ANAPC10: variants seen among roughly 807,000 people sequenced by gnomAD.
ANAPC10 encodes the protein anaphase-promoting complex subunit 10.
Under a neutral mutation model 22.0 loss-of-function variants are expected in ANAPC10, and 12 were observed. That is an observed-to-expected ratio of 0.55 (90% confidence interval 0.35 to 0.88). ANAPC10 has a LOEUF of 0.88. ANAPC10 is among the 40% of genes least tolerant of loss of function. The pLI is 0.01. For synonymous variants in ANAPC10, 65 were observed against 69.5 expected, an observed-to-expected ratio of 0.94 and a Z score of 0.32; for missense variants, 188 against 220.9, an observed-to-expected ratio of 0.85 and a Z score of 0.94.
chr4:145,050,346 G>A (rs1740918139), intron 4 of ANAPC10, among the ~76,000 whole-genome samples: 1 of 152,196 alleles, frequency 6.6e-6, no homozygotes, highest in Admixed American at 6.5e-5. Context: ...CTAAACAGAT[G>A]TGCTGTCATC....
intron 3 of ANAPC10, among the ~76,000 whole-genome samples, chr4:145,068,296 T>C (rs186230107): frequency 5.4e-4 from 82 of 152,328 alleles, no homozygotes; most frequent in Middle Eastern, 3.4e-3. Flanking sequence ...GTTAAGCAAG[T>C]GGTCCTTGTT....
intron 4 of ANAPC10, among the ~76,000 whole-genome samples, chr4:145,049,719 A>G (rs901773529): frequency 6.6e-6 from 1 of 152,134 alleles, no homozygotes; most frequent in Non-Finnish European, 1.5e-5. Context: ...AGATGGGACT[A>G]CAGATGTGCA....
At chr4:145,085,620 G>T (rs1156712559) in intron 2 of ANAPC10, among the ~76,000 whole-genome samples, 1 of 151,896 alleles carries the variant, frequency 6.6e-6, no homozygotes, top group Non-Finnish European at 1.5e-5. Context: ...ATTCAAAACT[G>T]ATCATTTAAA....
At chr4:145,041,600 T>C (rs1391130003) in intron 4 of ANAPC10, among the ~76,000 whole-genome samples, 1 of 152,190 alleles carries the variant, frequency 6.6e-6, no homozygotes, top group Non-Finnish European at 1.5e-5. Context: ...CACTTCCCCT[T>C]CTAGAAGGCA....
At chr4:145,057,248 A>G (rs992727105) in intron 4 of ANAPC10, among the ~76,000 whole-genome samples, 1 of 152,218 alleles carries the variant, frequency 6.6e-6, no homozygotes, top group African/African-American at 2.4e-5. Flanking sequence ...TACTCCAAAG[A>G]GTGCTTAAAC....
At chr4:145,097,777 A>G in intron 1 of ANAPC10, 1 of 345,688 alleles carries the variant, frequency 2.9e-6, no homozygotes, top group South Asian at 2.2e-5. Flanking sequence ...AAAGATAGAA[A>G]TAAAGCCCAT....
intron 4 of ANAPC10, among the ~76,000 whole-genome samples, chr4:145,058,143 C>A (rs373536178): frequency 6.6e-6 from 1 of 152,314 alleles, no homozygotes; most frequent in East Asian, 1.9e-4. Flanking sequence ...AACCATGTTA[C>A]ATCACAATAT....
chr4:144,999,196 A>T (rs1732116862), intron 4 of ANAPC10: 1 of 153,608 alleles, frequency 6.5e-6, no homozygotes, highest in South Asian at 2.1e-4. Flanking sequence ...TACAAAGAGG[A>T]GCTGGTACCA....
chr4:145,041,542 G>A (rs1329474308), intron 4 of ANAPC10, among the ~76,000 whole-genome samples: 1 of 152,220 alleles, frequency 6.6e-6, no homozygotes, highest in Non-Finnish European at 1.5e-5. Context: ...AAGAAACTCA[G>A]ACATCGTAGG....
In ANAPC10 at chr4:145,009,236, T is replaced by A. The variant is rs535743424; in HGVS notation, c.328-13633A>T. Among the ~76,000 whole-genome samples the A allele has an allele frequency of 4.6e-5, 7 of 152,072 alleles. No individual in the cohort carries two copies. In the South Asian group the frequency reaches 1.5e-3, roughly 32 times the overall value. ...TGCTCATGGATAGGAAGAATCAATA[T>A]CATGAAAATGGCCATATTGCCCAAG... On this transcript the variant is annotated intron_variant, in intron 4 of 4. Coordinates refer to ENST00000507656, the MANE Select transcript of ANAPC10 (RefSeq NM_001256706.2).
chr4:145,049,897 T>C (rs1460092410), intron 4 of ANAPC10, among the ~76,000 whole-genome samples: 1 of 152,210 alleles, frequency 6.6e-6, no homozygotes, highest in Non-Finnish European at 1.5e-5. Flanking sequence ...TCTTGCTGTT[T>C]CCACTACATC....
At chr4:145,071,331 G>A (rs1339484020) in intron 3 of ANAPC10, among the ~76,000 whole-genome samples, 1 of 152,182 alleles carries the variant, frequency 6.6e-6, no homozygotes. Context: ...GCTTGAATCT[G>A]GGAGGCAGAG....
chr4:145,093,894 AAT>A (rs1748087795), intron 2 of ANAPC10, among the ~76,000 whole-genome samples: 2 of 152,338 alleles, frequency 1.3e-5, no homozygotes, highest in South Asian at 4.1e-4. Flanking sequence ...TTAGAAAGAT[AAT>A]AGAGAAGCAA....
chr4:145,038,786 C>A (rs1285349857), intron 4 of ANAPC10, among the ~76,000 whole-genome samples: 1 of 143,104 alleles, frequency 7.0e-6, no homozygotes, highest in Non-Finnish European at 1.5e-5. Flanking sequence ...CGCACCACTG[C>A]ACTCCAGCCT....
intron 4 of ANAPC10, among the ~76,000 whole-genome samples, chr4:145,016,882 A>G (rs988779757): frequency 1.9e-3 from 297 of 152,336 alleles, no homozygotes; most frequent in Middle Eastern, 6.8e-3. Context: ...AGGATTCCCT[A>G]TTTAATAAAT....
intron 2 of ANAPC10, among the ~76,000 whole-genome samples, chr4:145,090,414 C>T (rs2126644432): frequency 6.6e-6 from 1 of 152,274 alleles, no homozygotes; most frequent in Non-Finnish European, 1.5e-5. Flanking sequence ...ATTTCCCTTG[C>T]TTTTATGTCC....
At chr4:145,000,857 T>C (rs1302292617) in intron 4 of ANAPC10, among the ~76,000 whole-genome samples, 1 of 152,138 alleles carries the variant, frequency 6.6e-6, no homozygotes. Context: ...TGGAATACTA[T>C]GCAGCCATAA....
Position 145,096,070 on chromosome 4 carries a change from A to G in ANAPC10, c.30T>C (p.Gly10=). 6.2e-7 allele frequency: 1 copy of G among 1,614,208 alleles called. No individual in the cohort carries two copies. Among genetic ancestry groups the G allele is most frequent in the Non-Finnish European group, 8.5e-7 (1 of 1,180,034 alleles). The change falls in exon 2 of 5, where the codon GGT becomes GGC. Residue 10 remains glycine, a synonymous_variant. Coordinates refer to ENST00000507656, the MANE Select transcript of ANAPC10 (RefSeq NM_001256706.2). MTTPNKTPP[G]ADPKQLERTG... ...TCCTTTCCAACTGCTTGGGGTCAGCACCAGGAGGTGTCTTGTTTGGTGTAG... is the reference window on the plus strand; with the variant it reads ...TCCTTTCCAACTGCTTGGGGTCAGCGCCAGGAGGTGTCTTGTTTGGTGTAG...
intron 4 of ANAPC10, among the ~76,000 whole-genome samples, chr4:145,026,036 A>G (rs1253173860): frequency 1.3e-5 from 2 of 152,200 alleles, no homozygotes; most frequent in Non-Finnish European, 1.5e-5. Flanking sequence ...ACAACTGGAC[A>G]TTTAACAGTA....
Sources: allele counts gnomAD v4.1 joint callset (sites outside exome capture counted in the v4.1 genomes callset), GRCh38; gene constraint gnomAD v4.1.1; transcripts MANE v1.5; gene names NCBI Gene and HGNC (gene_info 2026-07-23, HGNC 2026-07-21).